The following METAP1 variants were observed in gnomAD, a reference collection of about 807,000 sequenced individuals.
METAP1 encodes the protein methionyl aminopeptidase 1, also known as methionine aminopeptidase 1.
Under a neutral mutation model 53.8 loss-of-function variants are expected in METAP1, and 28 were observed. The ratio of observed to expected loss-of-function variants is 0.52; its 90% CI spans 0.39 to 0.71. METAP1 has a LOEUF of 0.71. METAP1 is among the 30% of genes least tolerant of loss of function. METAP1 has a pLI of 0.00. For missense variants in METAP1, 389 were observed against 479.8 expected (o/e 0.81, Z 1.77); for synonymous variants, 181 against 165.7 (o/e 1.09, Z -0.71).
chr4:99,022,817 G>A, intron 1 of METAP1: 1 of 1,589,720 alleles, frequency 6.3e-7, no homozygotes, highest in Non-Finnish European at 8.6e-7. Flanking sequence ...CCATCCCTCT[G>A]TGTAGTCCTT....
intron 8 of METAP1, among the ~76,000 whole-genome samples, chr4:99,045,697 C>T (rs1224602864): frequency 6.6e-6 from 1 of 152,120 alleles, no homozygotes. Context: ...TCCTCCTTTA[C>T]ACTTGCCTCC....
intron 5 of METAP1, among the ~76,000 whole-genome samples, chr4:99,040,557 C>T (rs180821463): frequency 6.6e-5 from 10 of 151,172 alleles, no homozygotes; most frequent in African/African-American, 2.4e-4. Context: ...GATCATAGCT[C>T]ATAGCTTACT....
intron 1 of METAP1, among the ~76,000 whole-genome samples, chr4:98,998,123 C>T (rs116373333): frequency 0.022 from 3,353 of 152,308 alleles, 47 homozygotes; most frequent in Non-Finnish European, 0.035. Flanking sequence ...CTTTCCTTTC[C>T]GAAGTGTCAC....
intron 5 of METAP1, among the ~76,000 whole-genome samples, chr4:99,040,830 A>G (rs977959242): frequency 2.6e-5 from 4 of 151,176 alleles, no homozygotes; most frequent in East Asian, 3.9e-4. Context: ...AAATCAGCCA[A>G]CCTTACTGCT....
intron 1 of METAP1, among the ~76,000 whole-genome samples, chr4:99,021,144 A>T (rs1379511820): frequency 6.6e-6 from 1 of 152,114 alleles, no homozygotes; most frequent in African/African-American, 2.4e-5. Flanking sequence ...AGTTCCCTGG[A>T]GATAACTTTC....
intron 1 of METAP1, among the ~76,000 whole-genome samples, chr4:99,018,302 G>A (rs1723896602): frequency 6.6e-6 from 1 of 152,192 alleles, no homozygotes. Context: ...GTCCCTTAGA[G>A]TATAAATGAT....
At chr4:99,005,161 G>A (rs1049350574) in intron 1 of METAP1, among the ~76,000 whole-genome samples, 3 of 152,008 alleles carry the variant, frequency 2.0e-5, no homozygotes, top group Admixed American at 1.3e-4. Flanking sequence ...AAAAGCTTCT[G>A]CACAGCAAAA....
Position 99,011,418 on chromosome 4 carries a change from T to C in METAP1, c.114+15551T>C, listed in dbSNP as rs1723461684. Among the ~76,000 whole-genome samples, 3 of 152,248 alleles carry C rather than the reference T, an allele frequency of 2.0e-5. No homozygotes were observed. The South Asian group carries it at 6.2e-4, about 31-fold the overall frequency. ...TTTTCTGAATCAATTGAGATGATTA[T>C]GTGATTTTTATCCTTCATTCTGTTA... is the stretch of plus-strand genomic sequence containing the variant. On this transcript the variant is annotated intron_variant, in intron 1 of 10. Coordinates refer to ENST00000296411, the MANE Select transcript of METAP1 (RefSeq NM_015143.3).
In METAP1 at chr4:98,997,786, A is replaced by G. The variant is rs77952178; in HGVS notation, c.114+1919A>G. ...TGGATTCTGCAGGTATATTTCTGGT[A>G]TCACTGTTAGACATGCACTCAAATA... On this transcript the variant is annotated intron_variant, in intron 1 of 10. Transcript: ENST00000296411. 2.7e-3 allele frequency among the ~76,000 whole-genome samples: 410 copies of G among 152,292 alleles called. 3 individuals are homozygous for G. Among genetic ancestry groups the G allele is most frequent in the African/African-American group, 9.3e-3 (388 of 41,564 alleles).
chr4:99,036,866 G>T (rs974902898), intron 4 of METAP1, among the ~76,000 whole-genome samples: 4 of 151,892 alleles, frequency 2.6e-5, no homozygotes, highest in Non-Finnish European at 4.4e-5. Flanking sequence ...AAAATAGGTG[G>T]ATCAAAGGAT....
At chr4:99,014,745 A>G (rs1050197883) in intron 1 of METAP1, among the ~76,000 whole-genome samples, 1 of 152,166 alleles carries the variant, frequency 6.6e-6, no homozygotes, top group Non-Finnish European at 1.5e-5. Context: ...CATTCCAGTT[A>G]TATGGCAGAG....
intron 4 of METAP1, among the ~76,000 whole-genome samples, chr4:99,037,154 T>TC (rs200862793): frequency 0.022 from 3,325 of 152,068 alleles, 46 homozygotes; most frequent in Non-Finnish European, 0.035. Flanking sequence ...AGCCTTTTTT[T>TC]CCCTGTTAGA....
At chr4:99,029,714 C>T (rs552150585) in intron 2 of METAP1, among the ~76,000 whole-genome samples, 7 of 151,858 alleles carry the variant, frequency 4.6e-5, no homozygotes, top group Admixed American at 2.0e-4. Context: ...ATCTTGGTGT[C>T]TTATATTCAT....
intron 1 of METAP1, among the ~76,000 whole-genome samples, chr4:99,014,139 T>C (rs752701201): frequency 1.3e-5 from 2 of 152,226 alleles, no homozygotes; most frequent in Non-Finnish European, 2.9e-5. Flanking sequence ...AACACAGTTA[T>C]AGAGGAAGTG....
chr4:99,052,020 A>G (rs1726751411), intron 9 of METAP1, among the ~76,000 whole-genome samples: 1 of 152,238 alleles, frequency 6.6e-6, no homozygotes, highest in Non-Finnish European at 1.5e-5. Context: ...CCTCAGAGGT[A>G]ACTGTTTGGT....
intron 9 of METAP1, among the ~76,000 whole-genome samples, chr4:99,051,598 C>T (rs1438859385): frequency 6.6e-6 from 1 of 151,868 alleles, no homozygotes; most frequent in Non-Finnish European, 1.5e-5. Context: ...TCCATGTTGC[C>T]CAGACTGATA....
At chr4:99,043,991 G>A (rs921936484) in intron 7 of METAP1, among the ~76,000 whole-genome samples, 1 of 152,040 alleles carries the variant, frequency 6.6e-6, no homozygotes, top group Non-Finnish European at 1.5e-5. Flanking sequence ...CGAGTGCAGG[G>A]GCGCCACCAT....
At chr4:99,039,213 AT>A (rs1290252935) in intron 4 of METAP1, 160 bp from the exon 5 acceptor site, 2 of 456,476 alleles carry the variant, frequency 4.4e-6, no homozygotes, top group African/African-American at 4.1e-5. Flanking sequence ...GATGTTGAAA[AT>A]GTTTTTTTTT....
chr4:99,003,820 G>A (rs1939251217), intron 1 of METAP1, among the ~76,000 whole-genome samples: 2 of 152,170 alleles, frequency 1.3e-5, no homozygotes, highest in African/African-American at 4.8e-5. Context: ...CATTTCTGCA[G>A]TGGACACCAA....
Sources: allele counts gnomAD v4.1 joint callset (sites outside exome capture counted in the v4.1 genomes callset), GRCh38; gene constraint gnomAD v4.1.1; transcripts MANE v1.5; gene names NCBI Gene and HGNC (gene_info 2026-07-23, HGNC 2026-07-21).